Variants in FLOT2 observed in about 807,000 individuals in gnomAD.
FLOT2 encodes flotillin-2.
Under a neutral mutation model 54.9 loss-of-function variants are expected in FLOT2, and 35 were observed. The ratio of observed to expected loss-of-function variants is 0.64; its 90% CI spans 0.49 to 0.84. The LOEUF is 0.84. Among genes scored for constraint, FLOT2 ranks in the 40% least tolerant of loss-of-function variants. The probability of loss-of-function intolerance (pLI) is 0.00; values close to 1 mark genes in which losing one functional copy is unlikely to be tolerated. For synonymous variants in FLOT2, 207 were observed against 228.9 expected (o/e 0.90, Z 0.86); for missense variants, 464 against 572.1 (o/e 0.81, Z 1.93).
rs1457224436 is a variant in FLOT2, at chr17:28,879,518, T to C, written c.*1043A>G. Reference sequence around the variant, plus strand: ...CAGCACCCCTGCCAAGACGCTTGGGTCCTGGGCTCTTCTGCCTCCATTGGA... The same window carrying C: ...CAGCACCCCTGCCAAGACGCTTGGGCCCTGGGCTCTTCTGCCTCCATTGGA... On this transcript the variant is annotated 3_prime_UTR_variant, in exon 11 of 11. Transcript: ENST00000394908. The C allele has an allele frequency of 4.3e-5, 42 of 985,450 alleles. No homozygotes were observed. Among genetic ancestry groups the C allele is most frequent in the Non-Finnish European group, 4.9e-5 (41 of 829,984 alleles). 61.0% of individuals were successfully genotyped at this position (985,450 alleles called of 1,614,324 possible).
rs772368955 is a variant in FLOT2 at position 28,881,183 on chromosome 17, A to G, written c.1098+9T>C. On this transcript the variant is annotated intron_variant, in intron 9 of 10. Coordinates refer to ENST00000394908, the MANE Select transcript of FLOT2 (RefSeq NM_004475.3). The stretch of plus-strand genomic sequence containing the variant: ...TGAACCCTAGGACCCGCTTGGGTGG[A>G]AGCCTCACCTGGGGCAGGGCCTCTA... The G allele has an allele frequency of 3.7e-6, 6 of 1,611,678 alleles. No individual in the cohort carries two copies. The highest frequency in any genetic ancestry group is 1.6e-4 in the Middle Eastern group (1 of 6,078).
intron 2 of FLOT2, among the ~76,000 whole-genome samples, chr17:28,885,363 T>C (rs1357330793): frequency 6.6e-6 from 1 of 152,176 alleles, no homozygotes; most frequent in Non-Finnish European, 1.5e-5. Context: ...GGTTCAGGCC[T>C]CTTCCAGGCT....
intron 1 of FLOT2, among the ~76,000 whole-genome samples, chr17:28,894,452 T>C (rs555947089): frequency 2.6e-5 from 4 of 152,098 alleles, no homozygotes; most frequent in Non-Finnish European, 2.9e-5. Flanking sequence ...GGTGAAACCC[T>C]GTCTCTACTA....
intron 2 of FLOT2, among the ~76,000 whole-genome samples, chr17:28,887,443 G>A (rs1598095489): frequency 6.6e-6 from 1 of 152,214 alleles, no homozygotes; most frequent in Admixed American, 6.5e-5. Flanking sequence ...TGAGACCAGA[G>A]GGAGGATGTA....
At chr17:28,891,451 A>G (rs1310227781) in intron 1 of FLOT2, among the ~76,000 whole-genome samples, 1 of 152,220 alleles carries the variant, frequency 6.6e-6, no homozygotes, top group Non-Finnish European at 1.5e-5. Flanking sequence ...CATGAGGAGG[A>G]AGACACTGGG....
rs759768535 is a variant in FLOT2, at chr17:28,882,635, G to T, written c.403C>A (p.Arg135=). The stretch of plus-strand genomic sequence containing the variant: ...CCAACATCAGGGGCTGCCACCTCCC[G>T]CACCAGCTTGGCAAACTGGTCCCGG... ...QDRDQFAKLV[R]EVAAPDVGRM... The change falls in exon 5 of 11, where the codon CGG becomes AGG. Residue 135 remains arginine, a synonymous_variant. Transcript: ENST00000394908. The surrounding 1 kb of genome is among the most constrained non-coding windows in gnomAD (Gnocchi z 5.6). The T allele has an allele frequency of 5.6e-6, 9 of 1,613,568 alleles. No individual in the cohort carries two copies. In the African/African-American group the frequency reaches 1.1e-4, roughly 19 times the overall value.
chr17:28,883,675 T>A lies in FLOT2; in HGVS notation c.223-444A>T, dbSNP rs1384274208. 6.6e-6 allele frequency among the ~76,000 whole-genome samples: 1 copy of A among 152,148 alleles called. No homozygotes were observed. The highest frequency in any genetic ancestry group is 1.5e-5 in the Non-Finnish European group (1 of 68,028). On this transcript the variant is annotated intron_variant, in intron 3 of 10. Coordinates refer to ENST00000394908, the MANE Select transcript of FLOT2 (RefSeq NM_004475.3). The surrounding 1 kb of genome is among the most constrained non-coding windows in gnomAD (Gnocchi z 5.0). ...TGGGGGATGCAACCGAGGGTGCCTC[T>A]CCTTCTTGAGTTACTCAGCCAACCC...
Position 28,882,992 on chromosome 17 carries a change from GA to G in FLOT2, c.346+115del. The G allele has an allele frequency of 9.0e-7, 1 of 1,116,902 alleles. No individual in the cohort carries two copies. The highest frequency in any genetic ancestry group is 1.3e-6 in the Non-Finnish European group (1 of 778,834). 69.2% of individuals were successfully genotyped at this position (1,116,902 alleles called of 1,614,324 possible). ...GAAGTTTTGAAATTAAATATTTGAG[GA>G]AAAGTGTTTTAGCTTGAAACTCCTG... On this transcript the variant is annotated intron_variant, in intron 4 of 10. Coordinates refer to ENST00000394908, the MANE Select transcript of FLOT2 (RefSeq NM_004475.3). The surrounding 1 kb of genome is among the most constrained non-coding windows in gnomAD (Gnocchi z 5.6).
rs1231718924 is a variant in FLOT2, at chr17:28,885,388, ACACAGGCTC to A, written c.132-1082_132-1074del. 5.9e-5 allele frequency among the ~76,000 whole-genome samples: 9 copies of A among 152,340 alleles called. No homozygotes were observed. The South Asian group carries it at 1.0e-3, about 18-fold the overall frequency. On this transcript the variant is annotated intron_variant, in intron 2 of 10. Coordinates refer to ENST00000394908, the MANE Select transcript of FLOT2 (RefSeq NM_004475.3). ...TCTTCCAGGCTGGGAACCCGCTGGCACACAGGCTCTGAGGGGGCAGGGGCTTTTTATTGT... is the reference window on the plus strand; with the variant it reads ...TCTTCCAGGCTGGGAACCCGCTGGCATGAGGGGGCAGGGGCTTTTTATTGT...
intron 1 of FLOT2, among the ~76,000 whole-genome samples, chr17:28,891,279 G>C (rs947519928): frequency 1.3e-5 from 2 of 152,214 alleles, no homozygotes; most frequent in Non-Finnish European, 2.9e-5. Flanking sequence ...GTCTGGGGGA[G>C]TTTCATGCAG....
At chr17:28,895,644 T>C (rs1008197968) in intron 1 of FLOT2, among the ~76,000 whole-genome samples, 2 of 152,208 alleles carry the variant, frequency 1.3e-5, no homozygotes, top group Non-Finnish European at 2.9e-5. Flanking sequence ...TTGCCAACAT[T>C]CATAATCACA....
chr17:28,897,348 C>G lies in FLOT2; in HGVS notation c.49+178G>C. 1.8e-6 allele frequency: 1 copy of G among 564,432 alleles called. No homozygotes were observed. The highest frequency in any genetic ancestry group is 3.0e-6 in the Non-Finnish European group (1 of 330,202). The allele number at this position is 564,432 out of a possible 1,614,324, so 35.0% of individuals were successfully genotyped here. A position where few individuals can be genotyped will look rare whatever the true frequency, so the allele number is the denominator to read the frequency against. The stretch of plus-strand genomic sequence containing the variant: ...AGCCCCTGGTGGGTGCCCGAGGGTG[C>G]GCAGCAAGGAAAGCGTGAGCACGAG... On this transcript the variant is annotated intron_variant, in intron 1 of 10. Transcript: ENST00000394908. The surrounding 1 kb of genome is among the most constrained non-coding windows in gnomAD (Gnocchi z 4.4).
chr17:28,890,627 C>T (rs1018324607), intron 1 of FLOT2, among the ~76,000 whole-genome samples: 2 of 152,182 alleles, frequency 1.3e-5, no homozygotes, highest in African/African-American at 4.8e-5. Context: ...ACCTCATGAT[C>T]TGCCCGCCTC....
In FLOT2 at chr17:28,880,773, G is replaced by T; in HGVS notation, c.1188C>A (p.Asn396Lys). 3.7e-6 allele frequency: 6 copies of T among 1,614,202 alleles called. No homozygotes were observed. Among genetic ancestry groups the T allele is most frequent in the Non-Finnish European group, 5.1e-6 (6 of 1,180,038 alleles). ...GDNSKVTSEV[N>K]RLLAELPASV... is the part of the protein sequence containing the mutation. ...AGGCAGGCAGCTCGGCCAGCAGTCG[G>T]TTCACTTCTGATGTGACCTTACTGT... The change falls in exon 10 of 11, where the codon AAC (asparagine) becomes AAA (lysine). Residue 396 changes from asparagine to lysine, a missense_variant. Transcript: ENST00000394908.
In FLOT2 at chr17:28,885,623, G is replaced by C. The variant is rs192089997; in HGVS notation, c.132-1308C>G. ...CCAGGGACACTCACTGGCAGACTTG[G>C]CAGAGCTTCCAGAATCCCTTGCTGT... On this transcript the variant is annotated intron_variant, in intron 2 of 10. Coordinates refer to ENST00000394908, the MANE Select transcript of FLOT2 (RefSeq NM_004475.3). 13 of 717,514 alleles carry C rather than the reference G, an allele frequency of 1.8e-5. No individual in the cohort carries two copies. In the East Asian group the frequency reaches 3.5e-4, roughly 19 times the overall value. 44.4% of individuals were successfully genotyped at this position (717,514 alleles called of 1,614,324 possible).
rs182311687 is a variant in FLOT2 at position 28,891,654 on chromosome 17, T to C, written c.50-2628A>G. Reference sequence around the variant, plus strand: ...GACTGTTGTGCACTTCAAATGAGGCTGGTATGACTGGGGAACTGAATTTTT... The same window carrying C: ...GACTGTTGTGCACTTCAAATGAGGCCGGTATGACTGGGGAACTGAATTTTT... On this transcript the variant is annotated intron_variant, in intron 1 of 10. Transcript: ENST00000394908. Among the ~76,000 whole-genome samples, 234 of 152,362 alleles carry C rather than the reference T, an allele frequency of 1.5e-3. 1 individual carries two copies. Among genetic ancestry groups the C allele is most frequent in the African/African-American group, 5.4e-3 (225 of 41,582 alleles).
Position 28,884,320 on chromosome 17 carries a change from C to T in FLOT2, c.132-5G>A. ...GTCATAATCTCTAGGGAAATCCTGCCAAGAAACGCAAAACAGGGGCATGGG... is the reference window on the plus strand; with the variant it reads ...GTCATAATCTCTAGGGAAATCCTGCTAAGAAACGCAAAACAGGGGCATGGG... On this transcript the variant is annotated splice_polypyrimidine_tract_variant and splice_region_variant and intron_variant, in intron 2 of 10. Transcript: ENST00000394908. This position sits in a 1 kb window ranked among gnomAD's most constrained non-coding sequence, Gnocchi z 5.1. 1 of 1,599,188 alleles carries T rather than the reference C, an allele frequency of 6.3e-7. No homozygotes were observed. The highest frequency in any genetic ancestry group is 1.1e-5 in the South Asian group (1 of 89,856).
intron 1 of FLOT2, among the ~76,000 whole-genome samples, chr17:28,896,734 A>G (rs2039248096): frequency 6.6e-6 from 1 of 152,180 alleles, no homozygotes; most frequent in Non-Finnish European, 1.5e-5. Context: ...AAATTCCTCC[A>G]GCTCCAGGCC....
Position 28,882,691 on chromosome 17 carries a change from C to T in FLOT2, c.347G>A (p.Gly116Glu). The change falls in exon 5 of 11, where the codon GGG becomes GAG. Residue 116 changes from glycine to glutamate, a missense_variant and splice_region_variant. Coordinates refer to ENST00000394908, the MANE Select transcript of FLOT2 (RefSeq NM_004475.3). The surrounding 1 kb of genome is among the most constrained non-coding windows in gnomAD (Gnocchi z 5.6). ...ATAAATCTGCTCCACTGTCAGGGTCCCTGGGGGCAGAGGGATCAAGGGCTG... is the reference window on the plus strand; with the variant it reads ...ATAAATCTGCTCCACTGTCAGGGTCTCTGGGGGCAGAGGGATCAAGGGCTG... ...TLEGHLRSIL[G>E]TLTVEQIYQD... 1 of 1,607,236 alleles carries T rather than the reference C, an allele frequency of 6.2e-7. No homozygotes were observed. The highest frequency in any genetic ancestry group is 1.7e-5 in the Admixed American group (1 of 59,990).
Sources: allele counts gnomAD v4.1 joint callset (sites outside exome capture counted in the v4.1 genomes callset), GRCh38; gene constraint gnomAD v4.1.1; non-coding constraint Gnocchi (gnomAD v3.1); transcripts MANE v1.5; gene names NCBI Gene and HGNC (gene_info 2026-07-23, HGNC 2026-07-21).